The following NAALADL2 variants were observed in gnomAD, a reference collection of about 807,000 sequenced individuals.
NAALADL2 encodes the protein inactive N-acetylated-alpha-linked acidic dipeptidase-like protein 2.
Under a neutral mutation model 87.2 loss-of-function variants are expected in NAALADL2, and 76 were observed. That is an observed-to-expected ratio of 0.87 (90% confidence interval 0.72 to 1.05). The LOEUF (loss-of-function observed/expected upper bound fraction) is 1.05. Ranked by LOEUF, NAALADL2 falls within the 50% of genes least tolerant of loss-of-function variation. The pLI is 0.00. For missense variants in NAALADL2, 1,089 were observed against 945.8 expected, an observed-to-expected ratio of 1.15 and a Z score of -1.99; for synonymous variants, 354 against 331.0, an observed-to-expected ratio of 1.07 and a Z score of -0.75.
chr3:175,253,407 C>G (rs1189851937), intron 3 of NAALADL2, among the ~76,000 whole-genome samples: 4 of 152,132 alleles, frequency 2.6e-5, no homozygotes, highest in African/African-American at 9.7e-5. Context: ...TTGAGACCTA[C>G]TGCTCTGAAA....
chr3:174,529,272 T>C (rs1331322991), intron 1 of NAALADL2, among the ~76,000 whole-genome samples: 1 of 152,230 alleles, frequency 6.6e-6, no homozygotes, highest in Non-Finnish European at 1.5e-5. Flanking sequence ...CAAAATGATC[T>C]TTGACTCCAT....
At chr3:175,536,608 G>A (rs1167251812) in intron 9 of NAALADL2, among the ~76,000 whole-genome samples, 5 of 151,650 alleles carry the variant, frequency 3.3e-5, no homozygotes, top group Non-Finnish European at 7.4e-5. Context: ...TTTTTAAAAG[G>A]TATATACCAA....
At chr3:175,393,166 C>A (rs1247351065) in intron 5 of NAALADL2, among the ~76,000 whole-genome samples, 1 of 149,528 alleles carries the variant, frequency 6.7e-6, no homozygotes, top group South Asian at 2.1e-4. Context: ...CCCAGCTACT[C>A]GGGAGGCTGA....
chr3:174,813,954 C>T (rs1720501477), intron 3 of NAALADL2, among the ~76,000 whole-genome samples: 1 of 152,032 alleles, frequency 6.6e-6, no homozygotes. Context: ...CATATGCACT[C>T]CACCCCACAG....
chr3:174,854,549 C>T (rs1725634238), upstream of NAALADL2, among the ~76,000 whole-genome samples: 1 of 151,990 alleles, frequency 6.6e-6, no homozygotes, highest in South Asian at 2.1e-4. Flanking sequence ...ATGATTTTAA[C>T]ACAAAAATTA....
chr3:175,589,780 G>T (rs1204378464), intron 10 of NAALADL2, among the ~76,000 whole-genome samples: 1 of 129,908 alleles, frequency 7.7e-6, no homozygotes, highest in Admixed American at 8.8e-5. Context: ...AAATATTTAA[G>T]CCCCTTGACA....
intron 9 of NAALADL2, among the ~76,000 whole-genome samples, chr3:175,574,693 T>G (rs528294368): frequency 6.6e-6 from 1 of 152,130 alleles, no homozygotes; most frequent in Non-Finnish European, 1.5e-5. Flanking sequence ...AATTTCATCG[T>G]CCCTGTTAAC....
At chr3:175,787,865 AAT>A (rs1386142311) in intron 13 of NAALADL2, among the ~76,000 whole-genome samples, 2 of 152,342 alleles carry the variant, frequency 1.3e-5, no homozygotes, top group Admixed American at 6.5e-5. Context: ...CATAAAGTAA[AAT>A]AGTTACAATA....
At chr3:175,611,119 A>G (rs181575198) in intron 10 of NAALADL2, among the ~76,000 whole-genome samples, 2 of 152,070 alleles carry the variant, frequency 1.3e-5, no homozygotes, top group African/African-American at 4.8e-5. Flanking sequence ...TGCTATCTGT[A>G]TGGAGAGTTT....
chr3:174,850,356 C>G, intron 3 of NAALADL2, among the ~76,000 whole-genome samples: 1 of 151,968 alleles, frequency 6.6e-6, no homozygotes, highest in East Asian at 1.9e-4. Context: ...AAAACAAGAT[C>G]CAGTTAAATG....
intron 11 of NAALADL2, among the ~76,000 whole-genome samples, chr3:175,646,194 T>G (rs1729980344): frequency 6.6e-6 from 1 of 152,058 alleles, no homozygotes; most frequent in African/African-American, 2.4e-5. Flanking sequence ...AACATTTCTG[T>G]CACCAATTAT....
intron 1 of NAALADL2, among the ~76,000 whole-genome samples, chr3:174,983,959 A>G (rs917291989): frequency 6.6e-6 from 1 of 152,182 alleles, no homozygotes; most frequent in East Asian, 1.9e-4. Flanking sequence ...CTACCACATC[A>G]CACAGTCTCA....
chr3:175,292,959 C>G (rs1216180917), intron 4 of NAALADL2, among the ~76,000 whole-genome samples: 1 of 146,232 alleles, frequency 6.8e-6, no homozygotes, highest in Non-Finnish European at 1.5e-5. Flanking sequence ...ATGGCGTGAA[C>G]CCGGGAGGCG....
At chr3:175,373,244 A>G (rs1560452258) in intron 5 of NAALADL2, among the ~76,000 whole-genome samples, 1 of 152,240 alleles carries the variant, frequency 6.6e-6, no homozygotes, top group African/African-American at 2.4e-5. Flanking sequence ...AAACAGTTGT[A>G]TAATCATGAC....
intron 9 of NAALADL2, among the ~76,000 whole-genome samples, chr3:175,575,673 A>C (rs1254966521): frequency 1.3e-5 from 2 of 152,224 alleles, no homozygotes; most frequent in Admixed American, 6.5e-5. Context: ...CTTAATTAAA[A>C]AAACAAAATG....
intron 1 of NAALADL2, among the ~76,000 whole-genome samples, chr3:175,076,369 A>G (rs1716606115): frequency 6.7e-6 from 1 of 149,386 alleles, no homozygotes; most frequent in Non-Finnish European, 1.5e-5. Flanking sequence ...ATAGGTGTCT[A>G]AAGACAGTTC....
chr3:174,716,158 T>C lies in NAALADL2; in HGVS notation c.-114-21483T>C, dbSNP rs1434519731. ...TTAACAAATAGAATATCCTTAATTA[T>C]ATCATCCTCTATTGGGAAAGATCAT... On this transcript the variant is annotated intron_variant, in intron 2 of 3. Transcript: ENST00000434257. Among the ~76,000 whole-genome samples the C allele has an allele frequency of 2.0e-5, 3 of 152,152 alleles. No individual in the cohort carries two copies. In the East Asian group the frequency reaches 5.8e-4, roughly 29 times the overall value.
chr3:174,885,450 C>G (rs1729972271), intron 1 of NAALADL2, among the ~76,000 whole-genome samples: 1 of 152,154 alleles, frequency 6.6e-6, no homozygotes. Flanking sequence ...TTCCTTGGTT[C>G]TCCACATATG....
chr3:175,150,465 T>G (rs955316979), intron 2 of NAALADL2, among the ~76,000 whole-genome samples: 1 of 152,192 alleles, frequency 6.6e-6, no homozygotes, highest in African/African-American at 2.4e-5. Context: ...CAGGTGCCAG[T>G]GCATCTATAT....
Sources: gnomAD v4.1 joint callset for allele counts (sites outside exome capture counted in the v4.1 genomes callset) on GRCh38, gnomAD v4.1.1 for gene constraint, MANE v1.5 for transcripts, NCBI Gene and HGNC (gene_info 2026-07-23, HGNC 2026-07-21) for gene names.